Variants in AGR2 observed in about 807,000 individuals in gnomAD.
AGR2 encodes the protein anterior gradient 2, protein disulphide isomerase family member, also known as anterior gradient protein 2 homolog.
Under a neutral mutation model 25.9 loss-of-function variants are expected in AGR2, and 27 were observed. That is an observed-to-expected ratio of 1.04 (90% CI 0.77 to 1.44). AGR2 has a LOEUF of 1.44. Ranked by LOEUF, AGR2 falls within the 40% of genes most tolerant of loss-of-function variation. The pLI is 0.00. For missense variants in AGR2, 182 were observed against 200.9 expected, an observed-to-expected ratio of 0.91 and a Z score of 0.57; for synonymous variants, 78 against 72.0, an observed-to-expected ratio of 1.08 and a Z score of -0.42.
At chr7:16,799,616 T>G in intron 5 of AGR2, 128 bp downstream of exon 5, 1 of 573,526 alleles carries the variant, frequency 1.7e-6, no homozygotes, top group East Asian at 2.8e-5. Context: ...CTCTCTAATT[T>G]ATGAGATGGG....
intron 7 of AGR2, among the ~76,000 whole-genome samples, chr7:16,794,496 G>A (rs1562525720): frequency 1.3e-5 from 2 of 152,094 alleles, no homozygotes; most frequent in African/African-American, 4.8e-5. Context: ...GCAATCATTT[G>A]GATCATCTTT....
rs767036758 is a variant in AGR2, at chr7:16,794,129, G to T, written c.478+807C>A. Among the ~76,000 whole-genome samples the T allele has an allele frequency of 1.1e-4, 17 of 152,128 alleles. 1 individual carries two copies. The highest frequency in any genetic ancestry group is 2.1e-4 in the Non-Finnish European group (14 of 68,030). On this transcript the variant is annotated intron_variant, in intron 7 of 7. Coordinates refer to ENST00000419304, the MANE Select transcript of AGR2 (RefSeq NM_006408.4). ...GCCTCACTTCTCTTCCCAACATGACGTTCTAAGTCAGCACTGGCCAATAGA... is the reference window on the plus strand; with the variant it reads ...GCCTCACTTCTCTTCCCAACATGACTTTCTAAGTCAGCACTGGCCAATAGA...
intron 5 of AGR2, 96 bp from the exon 6 acceptor site, chr7:16,797,790 T>A: frequency 5.6e-6 from 5 of 894,874 alleles, no homozygotes; most frequent in Non-Finnish European, 8.8e-6. Context: ...CGGCCAGGCA[T>A]CTCAAGATAT....
At chr7:16,801,468 A>G (rs1230298288) in intron 2 of AGR2, 85 bp from the exon 3 acceptor site, 1 of 1,356,050 alleles carries the variant, frequency 7.4e-7, no homozygotes, top group East Asian at 2.3e-5. Flanking sequence ...GACTGGGATA[A>G]TAGACCCTAT....
At chr7:16,800,832 G>A (rs534227697) in intron 4 of AGR2, among the ~76,000 whole-genome samples, 2 of 152,294 alleles carry the variant, frequency 1.3e-5, no homozygotes, top group South Asian at 4.1e-4. Flanking sequence ...GATGGCACAG[G>A]CTTCATGCCT....
intron 4 of AGR2, 33 bp downstream of exon 4, chr7:16,801,118 A>G (rs745371669): frequency 8.8e-6 from 14 of 1,594,970 alleles, no homozygotes; most frequent in Non-Finnish European, 1.2e-5. Flanking sequence ...CTAAAAGCCT[A>G]TAAAGGAAAT....
At position 16,792,786 on chromosome 7, in the gene AGR2, A is replaced by G; in HGVS notation, c.*122T>C. 1 of 903,688 alleles carries G rather than the reference A, an allele frequency of 1.1e-6. No homozygotes were observed. The highest frequency in any genetic ancestry group is 1.8e-6 in the Non-Finnish European group (1 of 564,654). The allele number at this position is 903,688 out of a possible 1,614,324, so 56.0% of individuals were successfully genotyped here. ...TTTTTCTTAAAAAATAGTTGTTGTA[A>G]CATTAAACCATAACCTAATCAGTGT... is the stretch of plus-strand genomic sequence containing the variant. On this transcript the variant is annotated 3_prime_UTR_variant, in exon 8 of 8. Transcript: ENST00000419304.
In AGR2 at chr7:16,792,671, ATT is replaced by A. The variant is rs556565008; in HGVS notation, c.*235_*236del. ...AAAACAGAACACCCCCAAAACATTT[ATT>A]TTTTTTTTTAGAAAATCATGGCTCA... is the stretch of plus-strand genomic sequence containing the variant. On this transcript the variant is annotated 3_prime_UTR_variant, in exon 8 of 8. Coordinates refer to ENST00000419304, the MANE Select transcript of AGR2 (RefSeq NM_006408.4). 6.7e-5 allele frequency: 28 copies of A among 419,050 alleles called. No individual in the cohort carries two copies. Among genetic ancestry groups the A allele is most frequent in the South Asian group, 8.3e-5 (2 of 24,126 alleles). 26.0% of individuals were successfully genotyped at this position (419,050 alleles called of 1,614,324 possible). A position where few individuals can be genotyped will look rare whatever the true frequency, so the allele number is the denominator to read the frequency against.
intron 1 of AGR2, 80 bp from the exon 2 acceptor site, chr7:16,801,883 T>G (rs983161058): frequency 7.8e-7 from 1 of 1,282,580 alleles, no homozygotes; most frequent in Non-Finnish European, 1.1e-6. Flanking sequence ...CCCACAACGG[T>G]GGAATATACC....
intron 6 of AGR2, among the ~76,000 whole-genome samples, chr7:16,796,704 T>G (rs556476381): frequency 3.5e-4 from 54 of 152,316 alleles, no homozygotes; most frequent in African/African-American, 1.3e-3. Flanking sequence ...ATGTGGGAAA[T>G]ATTTATTACA....
intron 6 of AGR2, among the ~76,000 whole-genome samples, chr7:16,796,101 C>T (rs75931975): frequency 6.6e-6 from 1 of 151,956 alleles, no homozygotes; most frequent in Non-Finnish European, 1.5e-5. Context: ...CTCCCACCCC[C>T]AGAGATTCTG....
intron 6 of AGR2, among the ~76,000 whole-genome samples, chr7:16,796,000 C>T (rs1289746063): frequency 6.6e-6 from 1 of 152,188 alleles, no homozygotes; most frequent in Non-Finnish European, 1.5e-5. Flanking sequence ...AAGAAATTAA[C>T]CTAAGAAGGG....
chr7:16,793,009 A>C (rs745671356), intron 7 of AGR2, 52 bp from the exon 8 acceptor site: 1 of 1,537,944 alleles, frequency 6.5e-7, no homozygotes. Context: ...CGTTATATCG[A>C]TATAATAAAC....
At chr7:16,794,712 C>T in intron 7 of AGR2, 1 of 1,215,146 alleles carries the variant, frequency 8.2e-7, no homozygotes, top group East Asian at 2.6e-5. Context: ...GAAAAAGATA[C>T]CTAATCTAAA....
Position 16,795,091 on chromosome 7 carries a change from G to T in AGR2, c.395-72C>A. On this transcript the variant is annotated intron_variant, in intron 6 of 7. Transcript: ENST00000419304. ...AACAACCTGTATTTATTGCCCCGGGGAGCTGAAGTTCATGTATTCATGTCC... is the reference window on the plus strand; with the variant it reads ...AACAACCTGTATTTATTGCCCCGGGTAGCTGAAGTTCATGTATTCATGTCC... 3.9e-6 allele frequency: 6 copies of T among 1,527,880 alleles called. No homozygotes were observed. In the South Asian group the frequency reaches 5.7e-5, roughly 15 times the overall value. 94.6% of individuals were successfully genotyped at this position (1,527,880 alleles called of 1,614,324 possible).
intron 6 of AGR2, among the ~76,000 whole-genome samples, chr7:16,797,079 G>A (rs1185326347): frequency 3.8e-5 from 5 of 132,256 alleles, no homozygotes; most frequent in African/African-American, 1.2e-4. Flanking sequence ...CTGCAACCAC[G>A]CCTGGCTAAT....
chr7:16,796,176 A>G (rs975735775), intron 6 of AGR2, among the ~76,000 whole-genome samples: 1 of 152,208 alleles, frequency 6.6e-6, no homozygotes, highest in African/African-American at 2.4e-5. Flanking sequence ...TGATTCAAAC[A>G]TGTAGTCAGG....
rs368448343 is a variant in AGR2, at chr7:16,792,966, G to A, written c.479-9C>T. ...CTTCATGTTGTCAAGCACTAATGGGGGATAAAAGCAGGAGAGTCAAGACAC... is the reference window on the plus strand; with the variant it reads ...CTTCATGTTGTCAAGCACTAATGGGAGATAAAAGCAGGAGAGTCAAGACAC... On this transcript the variant is annotated splice_polypyrimidine_tract_variant and intron_variant, in intron 7 of 7. Coordinates refer to ENST00000419304, the MANE Select transcript of AGR2 (RefSeq NM_006408.4). The A allele has an allele frequency of 1.9e-5, 31 of 1,613,554 alleles. No homozygotes were observed. The African/African-American group carries it at 3.7e-4, about 19-fold the overall frequency.
intron 6 of AGR2, among the ~76,000 whole-genome samples, chr7:16,796,517 G>C (rs1032689876): frequency 4.6e-5 from 7 of 152,132 alleles, no homozygotes; most frequent in Admixed American, 6.6e-5. Context: ...ATTGTTGTAA[G>C]TGATGGATTT....
Sources: allele counts gnomAD v4.1 joint callset (sites outside exome capture counted in the v4.1 genomes callset), GRCh38; gene constraint gnomAD v4.1.1; transcripts MANE v1.5; gene names NCBI Gene and HGNC (gene_info 2026-07-23, HGNC 2026-07-21).